Variants in ADGRD1 observed in about 807,000 individuals in gnomAD.
ADGRD1 encodes adhesion G protein-coupled receptor D1, also known as G-protein coupled receptor 133.
Under a neutral mutation model 113.4 loss-of-function variants are expected in ADGRD1, and 77 were observed. The ratio of observed to expected loss-of-function variants is 0.68; its 90% CI spans 0.57 to 0.82. ADGRD1 has a LOEUF of 0.82. Among genes scored for constraint, ADGRD1 ranks in the 40% least tolerant of loss-of-function variants. ADGRD1 has a pLI of 0.00. For synonymous variants in ADGRD1, 474 were observed against 475.0 expected (o/e 1.00, Z 0.03); for missense variants, 1,036 against 1,139.1 (o/e 0.91, Z 1.30).
intron 15 of ADGRD1, among the ~76,000 whole-genome samples, chr12:131,098,188 G>GCCTCACCGC (rs1593210144): frequency 7.7e-6 from 1 of 129,548 alleles, no homozygotes; most frequent in Admixed American, 8.1e-5. Flanking sequence ...TGCTGTCTGG[G>GCCTCACCGC]CTGCCTCACT....
At chr12:131,116,494 G>A (rs187058627) in intron 18 of ADGRD1, among the ~76,000 whole-genome samples, 3 of 152,224 alleles carry the variant, frequency 2.0e-5, no homozygotes, top group Non-Finnish European at 4.4e-5. Context: ...GGGCAGGCAC[G>A]GCGTGTACTC....
At chr12:131,090,981 C>T (rs1192683841) in intron 15 of ADGRD1, among the ~76,000 whole-genome samples, 1 of 152,188 alleles carries the variant, frequency 6.6e-6, no homozygotes, top group African/African-American at 2.4e-5. Flanking sequence ...CTGGGTGCTT[C>T]TAACTTCTCC....
At position 131,108,841 on chromosome 12, in the gene ADGRD1, G is replaced by A; in HGVS notation, c.2005G>A (p.Asp669Asn). The A allele has an allele frequency of 2.5e-6, 4 of 1,598,880 alleles. No individual in the cohort carries two copies. Among genetic ancestry groups the A allele is most frequent in the Non-Finnish European group, 3.4e-6 (4 of 1,172,782 alleles). Residue 669 changes from aspartate to asparagine, a missense_variant, in exon 18 of 25, where the codon GAC becomes AAC. Physicochemically the swap from Asp to Asn is conservative, Grantham distance 23. Coordinates refer to ENST00000261654, the MANE Select transcript of ADGRD1 (RefSeq NM_198827.5). ...SMVIKVFGSE[D>N]SKHRYYYGMG... ...GGTGATCAAGGTCTTTGGGTCGGAG[G>A]ACAGCAAGCACCGTTACTACTATGG...
At chr12:131,138,010 G>C in intron 23 of ADGRD1, 127 bp from the exon 24 acceptor site, 1 of 729,022 alleles carries the variant, frequency 1.4e-6, no homozygotes, top group Non-Finnish European at 2.4e-6. Context: ...CAGCAGCTCC[G>C]ACTCATATTT....
chr12:131,002,016 G>A (rs1234305615), intron 9 of ADGRD1, among the ~76,000 whole-genome samples: 1 of 152,148 alleles, frequency 6.6e-6, no homozygotes, highest in Non-Finnish European at 1.5e-5. Context: ...GAGAAAAAAA[G>A]GCTCAAGAAT....
intron 21 of ADGRD1, among the ~76,000 whole-genome samples, chr12:131,132,781 AG>A (rs1363014679): frequency 1.3e-5 from 2 of 152,166 alleles, no homozygotes; most frequent in African/African-American, 4.8e-5. Context: ...CCCAAACCAC[AG>A]GGCTGAAAGC....
intron 13 of ADGRD1, among the ~76,000 whole-genome samples, chr12:131,014,779 G>A (rs532543349): frequency 2.2e-4 from 33 of 152,298 alleles, no homozygotes; most frequent in Non-Finnish European, 3.5e-4. Flanking sequence ...CAGGCATTGC[G>A]TGATAAGCTC....
chr12:131,084,724 G>A lies in ADGRD1; in HGVS notation c.1671+61G>A, dbSNP rs1376561868. 1.9e-6 allele frequency: 3 copies of A among 1,584,942 alleles called. No homozygotes were observed. The East Asian group carries it at 6.9e-5, about 36-fold the overall frequency. On this transcript the variant is annotated intron_variant, in intron 15 of 24. Transcript: ENST00000261654. The surrounding 1 kb of genome is among the most constrained non-coding windows in gnomAD (Gnocchi z 4.5). ...GGACGTACCATGAGGCTGCAGGTGG[G>A]GGCGGGAGGATGCTTTGCCCGCCAG...
intron 15 of ADGRD1, among the ~76,000 whole-genome samples, chr12:131,088,749 G>A (rs1337008335): frequency 6.6e-6 from 1 of 152,180 alleles, no homozygotes; most frequent in Non-Finnish European, 1.5e-5. Flanking sequence ...GGCGGGGGTG[G>A]AGGGGCACGA....
At chr12:131,013,155 C>T (rs1878136054) in intron 12 of ADGRD1, among the ~76,000 whole-genome samples, 1 of 152,152 alleles carries the variant, frequency 6.6e-6, no homozygotes, top group African/African-American at 2.4e-5. Context: ...TTTTCAAGCT[C>T]ATAACCCCAC....
intron 4 of ADGRD1, among the ~76,000 whole-genome samples, chr12:130,973,983 C>T (rs908165813): frequency 6.6e-6 from 1 of 152,180 alleles, no homozygotes; most frequent in Non-Finnish European, 1.5e-5. Context: ...AACGCTGGCT[C>T]GGTGAGAGGC....
chr12:131,124,354 C>A (rs1477068587), intron 20 of ADGRD1, among the ~76,000 whole-genome samples: 2 of 152,226 alleles, frequency 1.3e-5, no homozygotes, highest in Non-Finnish European at 2.9e-5. Flanking sequence ...GACAGATGCA[C>A]ACAAAATAAT....
intron 13 of ADGRD1, among the ~76,000 whole-genome samples, chr12:131,054,085 C>T (rs35710730): frequency 0.059 from 9,018 of 152,256 alleles, 310 homozygotes; most frequent in Middle Eastern, 0.14. Context: ...CCTAGAGCTG[C>T]TTCACCTGCA....
At chr12:130,999,670 G>C (rs1876088546) in intron 8 of ADGRD1, among the ~76,000 whole-genome samples, 1 of 152,156 alleles carries the variant, frequency 6.6e-6, no homozygotes, top group Non-Finnish European at 1.5e-5. Context: ...ACGGACATGA[G>C]CGTATGAGGC....
rs951711532 is a variant in ADGRD1, at chr12:131,041,467, T to A, written c.1473+27127T>A. Among the ~76,000 whole-genome samples the A allele has an allele frequency of 6.6e-6, 1 of 151,858 alleles. No homozygotes were observed. The highest frequency in any genetic ancestry group is 1.5e-5 in the Non-Finnish European group (1 of 67,968). On this transcript the variant is annotated intron_variant, in intron 13 of 24. Coordinates refer to ENST00000261654, the MANE Select transcript of ADGRD1 (RefSeq NM_198827.5). The surrounding 1 kb of genome is among the most constrained non-coding windows in gnomAD (Gnocchi z 4.4). ...TTGCCTCCCACCCCACCCTTGAGGG[T>A]ATAACTAGTGACCTTGGCAGGGAGA...
At chr12:131,090,362 G>A (rs965032102) in intron 15 of ADGRD1, among the ~76,000 whole-genome samples, 5 of 136,368 alleles carry the variant, frequency 3.7e-5, no homozygotes, top group Admixed American at 1.6e-4. Context: ...TGTCTTCCAC[G>A]GGGCCCTGGG....
intron 14 of ADGRD1, 70 bp downstream of exon 14, chr12:131,076,944 A>AG: frequency 1.6e-6 from 2 of 1,258,134 alleles, no homozygotes; most frequent in Non-Finnish European, 2.3e-6. Context: ...ATGCCAGCCC[A>AG]GGGGAGGATC....
chr12:131,078,568 TG>T (rs1181457965), intron 14 of ADGRD1, among the ~76,000 whole-genome samples: 1 of 152,234 alleles, frequency 6.6e-6, no homozygotes, highest in East Asian at 1.9e-4. Flanking sequence ...GGATGGGATT[TG>T]GTAAGAACTA....
chr12:131,063,851 A>G (rs1473119412), intron 13 of ADGRD1, among the ~76,000 whole-genome samples: 13 of 152,260 alleles, frequency 8.5e-5, no homozygotes, highest in Admixed American at 5.9e-4. Context: ...TAGGAATTAC[A>G]TTAAGACTGT....
Sources: gnomAD v4.1 joint callset for allele counts (sites outside exome capture counted in the v4.1 genomes callset) on GRCh38, gnomAD v4.1.1 for gene constraint, Gnocchi (gnomAD v3.1) non-coding constraint, MANE v1.5 for transcripts, NCBI Gene and HGNC (gene_info 2026-07-23, HGNC 2026-07-21) for gene names.